Variants in USF3 observed in about 807,000 individuals in gnomAD.
The protein encoded by USF3 is upstream transcription factor family member 3, also known as basic helix-loop-helix domain-containing protein USF3.
Under a neutral mutation model 157.5 loss-of-function variants are expected in USF3, and 29 were observed. The ratio of observed to expected loss-of-function variants is 0.18; its 90% CI spans 0.14 to 0.25. The LOEUF is 0.25. Among genes scored for constraint, USF3 ranks in the 10% least tolerant of loss-of-function variants. The probability of loss-of-function intolerance (pLI) is 1.00; values close to 1 mark genes in which losing one functional copy is unlikely to be tolerated. For synonymous variants in USF3, 893 were observed against 941.4 expected (o/e 0.95, Z 0.94); for missense variants, 2,381 against 2,667.6 (o/e 0.89, Z 2.37).
chr3:113,657,089 G>A lies in USF3; in HGVS notation c.4593C>T (p.Thr1531=), dbSNP rs765709340. ...MQKKRNLVQG[T]QTSQLSLQPK... is the part of the protein sequence containing the mutation. ...GTTGTAAGGAAAGCTGAGAGGTCTG[G>A]GTGCCCTGAACAAGATTCCTCTTTT... is the stretch of plus-strand genomic sequence containing the variant. The change falls in exon 7 of 7, where the codon ACC becomes ACT. Residue 1531 remains threonine, a synonymous_variant. Transcript: ENST00000316407. 1 of 1,614,076 alleles carries A rather than the reference G, an allele frequency of 6.2e-7. No individual in the cohort carries two copies. Among genetic ancestry groups the A allele is most frequent in the South Asian group, 1.1e-5 (1 of 91,064 alleles).
In USF3 at chr3:113,657,743, T is replaced by C; in HGVS notation, c.3939A>G (p.Gln1313=). Residue 1313 remains glutamine, a synonymous_variant, in exon 7 of 7, where the codon CAA becomes CAG. Transcript: ENST00000316407. ...CATGGCTTGGCTTTAAGAGTGGCTC[T>C]TGAATCTGTGAATTTGGTATGGTAC... ...MTSTIPNSQI[Q]EPLLKPSHES... is the part of the protein sequence containing the mutation. The C allele has an allele frequency of 1.2e-6, 2 of 1,614,218 alleles. No homozygotes were observed. Among genetic ancestry groups the C allele is most frequent in the Non-Finnish European group, 1.7e-6 (2 of 1,180,036 alleles).
chr3:113,689,488 CTTAAAG>C (rs1707637745), intron 1 of USF3, among the ~76,000 whole-genome samples: 1 of 152,200 alleles, frequency 6.6e-6, no homozygotes, highest in Non-Finnish European at 1.5e-5. Context: ...TCCAGGACTT[CTTAAAG>C]TTAATTATTT....
chr3:113,648,632 G>A lies in USF3; in HGVS notation c.*6312C>T, dbSNP rs906741839. On this transcript the variant is annotated 3_prime_UTR_variant, in exon 7 of 7. Coordinates refer to ENST00000316407, the MANE Select transcript of USF3 (RefSeq NM_001009899.4). ...TGATCATATTATACATATCTGCTCT[G>A]GATTCCATTACAAAACAAATTAGTT... The A allele has an allele frequency of 2.6e-5, 4 of 152,508 alleles. No homozygotes were observed. The East Asian group carries it at 7.7e-4, about 29-fold the overall frequency. The allele number at this position is 152,508 out of a possible 1,614,324, so 9.4% of individuals were successfully genotyped here.
At position 113,649,504 on chromosome 3, in the gene USF3, T is replaced by C. The variant is rs969821085; in HGVS notation, c.*5440A>G. On this transcript the variant is annotated 3_prime_UTR_variant, in exon 7 of 7. Transcript: ENST00000316407. The stretch of plus-strand genomic sequence containing the variant: ...AACAGGAGTTTTGCTACTAGGTTTT[T>C]TTTTTGTTTTTTGTTTTTTTTTACA... The C allele has an allele frequency of 4.1e-5, 10 of 246,904 alleles. No homozygotes were observed. The highest frequency in any genetic ancestry group is 1.7e-4 in the Admixed American group (3 of 18,118). 15.3% of individuals were successfully genotyped at this position (246,904 alleles called of 1,614,324 possible). A position where few individuals can be genotyped will look rare whatever the true frequency, so the allele number is the denominator to read the frequency against.
chr3:113,655,679 T>C lies in USF3; in HGVS notation c.6003A>G (p.Gln2001=). 2 of 1,614,054 alleles carry C rather than the reference T, an allele frequency of 1.2e-6. No individual in the cohort carries two copies. The highest frequency in any genetic ancestry group is 2.2e-5 in the South Asian group (2 of 91,080). The change falls in exon 7 of 7, where the codon CAA becomes CAG. Residue 2001 remains glutamine, a synonymous_variant. Coordinates refer to ENST00000316407, the MANE Select transcript of USF3 (RefSeq NM_001009899.4). ...TTGGATCAAAGACAGTACTTTGCCT[T>C]TGGTTTCCAGAACGATTCCTTTCAG... ...RQPERNRSGN[Q]RQSTVFDPSL... is the part of the protein sequence containing the mutation.
Position 113,655,704 on chromosome 3 carries a change from G to A in USF3, c.5978C>T (p.Pro1993Leu), listed in dbSNP as rs746825729. ...TTGGTTTCCAGAACGATTCCTTTCAGGCTGACGAATTTTGGAACCACTGCT... is the reference window on the plus strand; with the variant it reads ...TTGGTTTCCAGAACGATTCCTTTCAAGCTGACGAATTTTGGAACCACTGCT... ...QDSSGSKIRQ[P>L]ERNRSGNQRQ... The change falls in exon 7 of 7, where the codon CCT becomes CTT. Residue 1993 changes from proline (P) to leucine (L), a missense_variant. Physicochemically the swap from Pro to Leu is moderately conservative, Grantham distance 98. Around this residue, in one of 6 missense-constraint regions of USF3, gnomAD observed 770 missense variants for 824.2 expected, o/e 0.93. Transcript: ENST00000316407. The A allele has an allele frequency of 1.5e-5, 24 of 1,613,778 alleles. No individual in the cohort carries two copies. Among genetic ancestry groups the A allele is most frequent in the Non-Finnish European group, 1.9e-5 (22 of 1,179,912 alleles).
chr3:113,648,812 G>C lies in USF3; in HGVS notation c.*6132C>G, dbSNP rs1445510022. 10 of 152,482 alleles carry C rather than the reference G, an allele frequency of 6.6e-5. No individual in the cohort carries two copies. In the South Asian group the frequency reaches 1.7e-3, roughly 25 times the overall value. The allele number at this position is 152,482 out of a possible 1,614,324, so 9.4% of individuals were successfully genotyped here. On this transcript the variant is annotated 3_prime_UTR_variant, in exon 7 of 7. Coordinates refer to ENST00000316407, the MANE Select transcript of USF3 (RefSeq NM_001009899.4). Reference sequence around the variant, plus strand: ...CCCTACAGTAAGCTTCTCACCCAGTGTATCTATAAATAATTTGTGAAGGTA... The same window carrying C: ...CCCTACAGTAAGCTTCTCACCCAGTCTATCTATAAATAATTTGTGAAGGTA...
chr3:113,689,476 C>T (rs566934556), intron 1 of USF3, among the ~76,000 whole-genome samples: 1 of 152,302 alleles, frequency 6.6e-6, no homozygotes, highest in Non-Finnish European at 1.5e-5. Flanking sequence ...TCCTTTCAGG[C>T]CTCCAGGACT....
At chr3:113,688,261 G>A (rs1707601961) in intron 1 of USF3, among the ~76,000 whole-genome samples, 1 of 152,128 alleles carries the variant, frequency 6.6e-6, no homozygotes, top group South Asian at 2.1e-4. Context: ...TGGGATTACA[G>A]GCACTCGCCA....
intron 2 of USF3, among the ~76,000 whole-genome samples, chr3:113,676,163 T>C (rs920885987): frequency 1.3e-5 from 2 of 152,230 alleles, no homozygotes; most frequent in Non-Finnish European, 2.9e-5. Context: ...TGTCTTCTAA[T>C]CTGAGCCCTC....
Position 113,658,780 on chromosome 3 carries a change from T to C in USF3, c.2902A>G (p.Thr968Ala). 1 of 1,614,108 alleles carries C rather than the reference T, an allele frequency of 6.2e-7. No homozygotes were observed. Reference sequence around the variant, plus strand: ...ACCTCAGAAACACAGTCAGTACTTGTAGTGCTTGTTGTAGATGACAAACCA... The same window carrying C: ...ACCTCAGAAACACAGTCAGTACTTGCAGTGCTTGTTGTAGATGACAAACCA... The part of the protein sequence containing the change: ...VPGLSSTTST[T>A]STDCVSEVEI... Residue 968 changes from threonine to alanine, a missense_variant, in exon 7 of 7, where the codon ACA becomes GCA. Thr to Ala is a moderately conservative substitution (Grantham distance 58). Around this residue, in one of 6 missense-constraint regions of USF3, gnomAD observed 1,435 missense variants for 1,550.9 expected, o/e 0.93. Coordinates refer to ENST00000316407, the MANE Select transcript of USF3 (RefSeq NM_001009899.4).
Position 113,650,952 on chromosome 3 carries a change from T to C in USF3, c.*3992A>G, listed in dbSNP as rs1051793650. 1 of 151,962 alleles carries C rather than the reference T, an allele frequency of 6.6e-6. No individual in the cohort carries two copies. Among genetic ancestry groups the C allele is most frequent in the Non-Finnish European group, 1.5e-5 (1 of 67,976 alleles). 9.4% of individuals were successfully genotyped at this position (151,962 alleles called of 1,614,324 possible). A position where few individuals can be genotyped will look rare whatever the true frequency, so the allele number is the denominator to read the frequency against. On this transcript the variant is annotated 3_prime_UTR_variant, in exon 7 of 7. Transcript: ENST00000316407. ...AAAGGTCTTACAATAAAAACAAAAA[T>C]AAATTTCCTGAACCGGTATAAAACA...
At position 113,658,878 on chromosome 3, in the gene USF3, G is replaced by C; in HGVS notation, c.2804C>G (p.Ala935Gly). 6.2e-7 allele frequency: 1 copy of C among 1,614,172 alleles called. No homozygotes were observed. The highest frequency in any genetic ancestry group is 8.5e-7 in the Non-Finnish European group (1 of 1,180,002). ...PPSSLALSDA[A>G]KPCASANVLI... ...TACATTGGCTGAAGCGCAGGGTTTG[G>C]CAGCATCTGATAATGCTAAACTACT... Residue 935 changes from alanine (A) to glycine (G), a missense_variant, in exon 7 of 7, where the codon GCC becomes GGC. Around this residue, in one of 6 missense-constraint regions of USF3, gnomAD observed 1,435 missense variants for 1,550.9 expected, o/e 0.93. Transcript: ENST00000316407.
intron 1 of USF3, among the ~76,000 whole-genome samples, chr3:113,690,554 C>T (rs751451511): frequency 2.6e-5 from 4 of 152,170 alleles, no homozygotes; most frequent in South Asian, 4.1e-4. Flanking sequence ...GGTTTTCTAG[C>T]TAATTATGCC....
chr3:113,689,062 A>C lies in USF3; in HGVS notation c.-135+7308T>G, dbSNP rs191973235. ...ACAAACAAACAAACAAACAAACAAAAACCAGATGCTATCAAGCCCCCATGT... is the reference window on the plus strand; with the variant it reads ...ACAAACAAACAAACAAACAAACAAACACCAGATGCTATCAAGCCCCCATGT... On this transcript the variant is annotated intron_variant, in intron 1 of 6. Transcript: ENST00000316407. Among the ~76,000 whole-genome samples the C allele has an allele frequency of 8.3e-5, 5 of 60,082 alleles. No homozygotes were observed. The East Asian group carries it at 2.3e-3, about 28-fold the overall frequency. 39.4% of individuals were successfully genotyped at this position (60,082 alleles called of 152,430 possible).
In USF3 at chr3:113,658,804, C is replaced by T; in HGVS notation, c.2878G>A (p.Gly960Ser). The T allele has an allele frequency of 6.2e-7, 1 of 1,614,112 alleles. No homozygotes were observed. The highest frequency in any genetic ancestry group is 2.2e-5 in the East Asian group (1 of 44,884). Residue 960 changes from glycine (G) to serine (S), a missense_variant, in exon 7 of 7, where the codon GGT becomes AGT. By Grantham distance (56) the Gly-to-Ser change is moderately conservative. Transcript: ENST00000316407. ...DPHILVSQVPGLSSTTSTTST... is the reference protein window; with the variant it reads ...DPHILVSQVPSLSSTTSTTST... ...GTAGTGCTTGTTGTAGATGACAAACCAGGAACCTGAGAAACCAAAATGTGA... is the reference window on the plus strand; with the variant it reads ...GTAGTGCTTGTTGTAGATGACAAACTAGGAACCTGAGAAACCAAAATGTGA...
In USF3 at chr3:113,650,053, C is replaced by T; in HGVS notation, c.*4891G>A. The T allele has an allele frequency of 5.1e-6, 3 of 587,636 alleles. No homozygotes were observed. The highest frequency in any genetic ancestry group is 9.1e-6 in the Non-Finnish European group (3 of 330,870). The allele number at this position is 587,636 out of a possible 1,614,324, so 36.4% of individuals were successfully genotyped here. A position where few individuals can be genotyped will look rare whatever the true frequency, so the allele number is the denominator to read the frequency against. On this transcript the variant is annotated 3_prime_UTR_variant, in exon 7 of 7. Transcript: ENST00000316407. ...CTTCACTAGTTTGTCTGGTTGTTGG[C>T]TATTACTGTTGCCCTCTGGATGTAC...
Position 113,657,334 on chromosome 3 carries a change from C to T in USF3, c.4348G>A (p.Val1450Ile), listed in dbSNP as rs548896913. Residue 1450 changes from valine (V) to isoleucine (I), a missense_variant, in exon 7 of 7, where the codon GTA becomes ATA. Transcript: ENST00000316407. ...AGATGGTTACTATGAAGGTGAGATACACCTTGAGCTGGAACATGCTGCTGC... is the reference window on the plus strand; with the variant it reads ...AGATGGTTACTATGAAGGTGAGATATACCTTGAGCTGGAACATGCTGCTGC... The part of the protein sequence containing the change: ...ALQQHVPAQG[V>I]SHLHSNHLYI... The T allele has an allele frequency of 3.3e-5, 54 of 1,613,766 alleles. No individual in the cohort carries two copies. The South Asian group carries it at 5.7e-4, about 17-fold the overall frequency.
chr3:113,661,806 C>T (rs1390011005), intron 6 of USF3, among the ~76,000 whole-genome samples: 1 of 152,192 alleles, frequency 6.6e-6, no homozygotes, highest in Non-Finnish European at 1.5e-5. Context: ...AATGCTGCAG[C>T]AGCCAACATT....
Sources: gnomAD v4.1 joint callset for allele counts (sites outside exome capture counted in the v4.1 genomes callset) on GRCh38, gnomAD v4.1.1 for gene constraint, gnomAD v4.1.1 regional missense constraint, MANE v1.5 for transcripts, NCBI Gene and HGNC (gene_info 2026-07-23, HGNC 2026-07-21) for gene names.